GALNT13: variants seen among roughly 807,000 people sequenced by gnomAD.
GALNT13 encodes the protein polypeptide N-acetylgalactosaminyltransferase 13.
In GALNT13, 28 loss-of-function variants were observed where a neutral mutation model predicts 64.2. The ratio of observed to expected loss-of-function variants is 0.44; its 90% CI spans 0.32 to 0.60. The LOEUF (loss-of-function observed/expected upper bound fraction) is 0.60, where lower values mean the gene tolerates loss of function less well. GALNT13 is among the 20% of genes least tolerant of loss of function. GALNT13 has a pLI of 0.05. For synonymous variants in GALNT13, 214 were observed against 224.6 expected (o/e 0.95, Z 0.42); for missense variants, 577 against 669.8 (o/e 0.86, Z 1.53).
the GALNT13 span, among the ~76,000 whole-genome samples, chr2:153,526,763 A>G: frequency 6.6e-6 from 1 of 152,230 alleles, no homozygotes; most frequent in Non-Finnish European, 1.5e-5. Flanking sequence ...ATAATTTAAA[A>G]TAGCTGTTTT....
chr2:153,311,238 A>C, the GALNT13 span, among the ~76,000 whole-genome samples: 2 of 152,336 alleles, frequency 1.3e-5, no homozygotes, highest in East Asian at 3.9e-4. Flanking sequence ...TTTATGTTTT[A>C]ATTCAAAGGA....
chr2:154,223,617 A>G (rs1401376862), intron 4 of GALNT13, among the ~76,000 whole-genome samples: 2 of 151,614 alleles, frequency 1.3e-5, no homozygotes, highest in African/African-American at 4.8e-5. Flanking sequence ...ATGTCTGGCT[A>G]ATTTTCTATT....
chr2:153,422,993 A>G, the GALNT13 span, among the ~76,000 whole-genome samples: 1 of 152,012 alleles, frequency 6.6e-6, no homozygotes, highest in African/African-American at 2.4e-5. Flanking sequence ...AAGAAAAAGT[A>G]AGACAGCTCC....
intron 3 of GALNT13, among the ~76,000 whole-genome samples, chr2:153,973,525 T>C (rs1483297981): frequency 1.3e-5 from 2 of 152,008 alleles, no homozygotes; most frequent in Admixed American, 1.3e-4. Context: ...TAGTACCTTA[T>C]CTAAACTTCT....
At chr2:153,685,677 C>T in the GALNT13 span, among the ~76,000 whole-genome samples, 4 of 151,990 alleles carry the variant, frequency 2.6e-5, no homozygotes, top group Admixed American at 2.6e-4. Context: ...AATTAGACCC[C>T]ATTTGTCAAT....
chr2:153,395,478 G>A, the GALNT13 span, among the ~76,000 whole-genome samples: 1 of 151,986 alleles, frequency 6.6e-6, no homozygotes, highest in Non-Finnish European at 1.5e-5. Flanking sequence ...TATTCCATTT[G>A]GACACCCTTC....
chr2:153,422,851 A>G, the GALNT13 span, among the ~76,000 whole-genome samples: 4 of 152,092 alleles, frequency 2.6e-5, no homozygotes, highest in Non-Finnish European at 5.9e-5. Flanking sequence ...CACAACGACA[A>G]AAACGACAAT....
chr2:153,617,084 A>G, the GALNT13 span, among the ~76,000 whole-genome samples: 1 of 152,004 alleles, frequency 6.6e-6, no homozygotes, highest in Non-Finnish European at 1.5e-5. Context: ...TTCTGTAGCT[A>G]GGACTTCCAG....
At chr2:153,547,530 A>G in the GALNT13 span, among the ~76,000 whole-genome samples, 2 of 152,196 alleles carry the variant, frequency 1.3e-5, no homozygotes, top group African/African-American at 4.8e-5. Context: ...GTCTTAATAT[A>G]TAAAATAATT....
chr2:153,812,020 G>A, the GALNT13 span, among the ~76,000 whole-genome samples: 1 of 152,148 alleles, frequency 6.6e-6, no homozygotes, highest in Non-Finnish European at 1.5e-5. Flanking sequence ...CCATCACCTA[G>A]ATCAAGATAT....
the GALNT13 span, among the ~76,000 whole-genome samples, chr2:153,496,244 G>A: frequency 8.5e-5 from 13 of 152,242 alleles, no homozygotes; most frequent in South Asian, 4.1e-4. Flanking sequence ...CATAAACCAT[G>A]GTTTATCCTA....
chr2:154,351,436 C>T (rs1478178012), intron 9 of GALNT13, among the ~76,000 whole-genome samples: 2 of 151,906 alleles, frequency 1.3e-5, no homozygotes, highest in African/African-American at 4.8e-5. Context: ...GTAATCCCAG[C>T]ACTTTGGGAG....
the GALNT13 span, among the ~76,000 whole-genome samples, chr2:153,275,757 A>G: frequency 6.6e-6 from 1 of 152,160 alleles, no homozygotes; most frequent in African/African-American, 2.4e-5. Flanking sequence ...TTTTGCCATT[A>G]CAATAATATA....
intron 11 of GALNT13, among the ~76,000 whole-genome samples, chr2:154,432,094 C>T (rs1348708338): frequency 1.3e-5 from 2 of 152,172 alleles, no homozygotes; most frequent in Non-Finnish European, 2.9e-5. Flanking sequence ...AGATAGTACT[C>T]ATTTGATTAC....
chr2:153,650,180 A>C, the GALNT13 span, among the ~76,000 whole-genome samples: 1 of 152,168 alleles, frequency 6.6e-6, no homozygotes, highest in Non-Finnish European at 1.5e-5. Flanking sequence ...TAGGATAGTT[A>C]GCTCTTCTTG....
chr2:153,675,918 G>T, the GALNT13 span, among the ~76,000 whole-genome samples: 2 of 151,964 alleles, frequency 1.3e-5, no homozygotes, highest in East Asian at 1.9e-4. Context: ...AAGTTAGAAA[G>T]ATCTCATATT....
At chr2:153,519,936 G>A in the GALNT13 span, among the ~76,000 whole-genome samples, 1 of 152,232 alleles carries the variant, frequency 6.6e-6, no homozygotes, top group African/African-American at 2.4e-5. Context: ...AGCATATAAT[G>A]TGGCCTGAAG....
intron 3 of GALNT13, among the ~76,000 whole-genome samples, chr2:153,969,264 C>T (rs1693585695): frequency 6.6e-6 from 1 of 151,882 alleles, no homozygotes; most frequent in Non-Finnish European, 1.5e-5. Context: ...TATTAATATA[C>T]ACACCCCATA....
chr2:153,565,108 T>C, the GALNT13 span, among the ~76,000 whole-genome samples: 2 of 152,128 alleles, frequency 1.3e-5, no homozygotes, highest in African/African-American at 2.4e-5. Context: ...CATCTGTCAG[T>C]TGTGCCTTGA....
Sources: gnomAD v4.1 joint callset for allele counts (sites outside exome capture counted in the v4.1 genomes callset) on GRCh38, gnomAD v4.1.1 for gene constraint, MANE v1.5 for transcripts, NCBI Gene and HGNC (gene_info 2026-07-23, HGNC 2026-07-21) for gene names.